The following CMIP variants were observed in gnomAD, a reference collection of about 807,000 sequenced individuals.
CMIP encodes the protein C-Maf-inducing protein.
A neutral mutation model predicts 97.3 loss-of-function variants in CMIP; 13 were observed. The observed-to-expected ratio is 0.13, with a 90% CI of 0.09 to 0.21. The LOEUF (loss-of-function observed/expected upper bound fraction) is 0.21, where lower values mean the gene tolerates loss of function less well. Among genes scored for constraint, CMIP ranks in the 10% least tolerant of loss-of-function variants. The pLI is 1.00. For synonymous variants in CMIP, 538 were observed against 436.3 expected, an observed-to-expected ratio of 1.23 and a Z score of -2.91; for missense variants, 847 against 1,024.9, an observed-to-expected ratio of 0.83 and a Z score of 2.37.
chr16:81,656,763 G>A (rs750408630), intron 4 of CMIP, among the ~76,000 whole-genome samples: 2 of 152,088 alleles, frequency 1.3e-5, no homozygotes, highest in African/African-American at 2.4e-5. Context: ...TCAGCCTCCC[G>A]AGTAGCGAGT....
At chr16:81,662,574 C>T (rs538035863) in intron 6 of CMIP, among the ~76,000 whole-genome samples, 7 of 152,246 alleles carry the variant, frequency 4.6e-5, no homozygotes, top group African/African-American at 1.7e-4. Flanking sequence ...CAAAGCCTCC[C>T]GCGCTGCGTC....
intron 1 of CMIP, among the ~76,000 whole-genome samples, chr16:81,473,026 C>T (rs1256757505): frequency 6.6e-6 from 1 of 152,188 alleles, no homozygotes; most frequent in South Asian, 2.1e-4. Context: ...TAGATCCCAT[C>T]TCCTCTGCAT....
chr16:81,645,011 G>A (rs1233624284), intron 3 of CMIP, among the ~76,000 whole-genome samples: 2 of 152,174 alleles, frequency 1.3e-5, no homozygotes, highest in South Asian at 2.1e-4. Context: ...ACTGCCCGAC[G>A]GAGCATTCTG....
chr16:81,578,929 G>A (rs908169211), intron 1 of CMIP, among the ~76,000 whole-genome samples: 2 of 152,242 alleles, frequency 1.3e-5, no homozygotes, highest in Non-Finnish European at 2.9e-5. Context: ...TCTCCTTTCT[G>A]TGCTGGCCAG....
At chr16:81,685,784 G>C (rs1045654349) in intron 10 of CMIP, among the ~76,000 whole-genome samples, 1 of 148,692 alleles carries the variant, frequency 6.7e-6, no homozygotes. Flanking sequence ...AGCCAGTCTC[G>C]AACTCCTGGC....
intron 1 of CMIP, among the ~76,000 whole-genome samples, chr16:81,529,740 C>G (rs746417282): frequency 6.6e-6 from 1 of 152,172 alleles, no homozygotes; most frequent in South Asian, 2.1e-4. Flanking sequence ...TTGCAATTCC[C>G]GGCTTTAAGA....
chr16:81,623,457 AT>A (rs1156452110), intron 3 of CMIP, among the ~76,000 whole-genome samples: 2 of 152,226 alleles, frequency 1.3e-5, no homozygotes, highest in African/African-American at 4.8e-5. Context: ...CAGGTGATCA[AT>A]GGTAGTCTTT....
intron 1 of CMIP, among the ~76,000 whole-genome samples, chr16:81,500,442 T>C (rs1330021233): frequency 1.8e-5 from 2 of 112,788 alleles, no homozygotes; most frequent in African/African-American, 3.4e-5. Flanking sequence ...TCTCTCTCTC[T>C]CCCTTCCTCC....
At chr16:81,525,533 T>A (rs921532547) in intron 1 of CMIP, among the ~76,000 whole-genome samples, 4 of 152,186 alleles carry the variant, frequency 2.6e-5, no homozygotes, top group African/African-American at 7.2e-5. Context: ...ACATTTTTTT[T>A]AAGAGACAGA....
chr16:81,550,260 C>G (rs748576970), intron 1 of CMIP, among the ~76,000 whole-genome samples: 1 of 152,216 alleles, frequency 6.6e-6, no homozygotes, highest in Non-Finnish European at 1.5e-5. Flanking sequence ...CTCTCTGAGC[C>G]TCAGTCTTCT....
At chr16:81,668,602 T>C (rs2092637158) in intron 7 of CMIP, among the ~76,000 whole-genome samples, 1 of 152,134 alleles carries the variant, frequency 6.6e-6, no homozygotes, top group South Asian at 2.1e-4. Context: ...AGCCCCGCAG[T>C]GGACACTTTA....
At chr16:81,486,051 G>T (rs1433046948) in intron 1 of CMIP, among the ~76,000 whole-genome samples, 1 of 152,268 alleles carries the variant, frequency 6.6e-6, no homozygotes, top group Non-Finnish European at 1.5e-5. Context: ...GGCCTGACAG[G>T]CAGAGAGGGG....
At chr16:81,633,383 T>C (rs1484105847) in intron 3 of CMIP, among the ~76,000 whole-genome samples, 1 of 152,220 alleles carries the variant, frequency 6.6e-6, no homozygotes, top group Non-Finnish European at 1.5e-5. Context: ...CCTGCTGGCC[T>C]GTTGGCTCGG....
At chr16:81,690,004 A>T (rs1905869614) in intron 10 of CMIP, among the ~76,000 whole-genome samples, 1 of 152,056 alleles carries the variant, frequency 6.6e-6, no homozygotes, top group African/African-American at 2.4e-5. Context: ...GTTCTGTTCC[A>T]TTGGTCTGTA....
intron 7 of CMIP, among the ~76,000 whole-genome samples, chr16:81,667,799 A>AGAGAGAGAGGGTGTGTGT: frequency 1.7e-5 from 1 of 58,096 alleles, no homozygotes; most frequent in Admixed American, 2.1e-4. Context: ...AGAGAGAGAG[A>AGAGAGAGAGGGTGTGTGT]GTGTGTGTGT....
intron 1 of CMIP, among the ~76,000 whole-genome samples, chr16:81,478,048 G>A (rs56155262): frequency 0.15 from 23,034 of 152,194 alleles, 1,862 homozygotes; most frequent in Non-Finnish European, 0.17. Context: ...TTATTATTGA[G>A]AAGGGAGAGG....
chr16:81,561,507 C>T (rs2090883120), intron 1 of CMIP, among the ~76,000 whole-genome samples: 1 of 152,056 alleles, frequency 6.6e-6, no homozygotes, highest in African/African-American at 2.4e-5. Flanking sequence ...GGTTTAAGAA[C>T]TACCAGGAAG....
intron 1 of CMIP, among the ~76,000 whole-genome samples, chr16:81,551,592 A>G (rs912944267): frequency 4.0e-4 from 61 of 152,350 alleles, no homozygotes; most frequent in African/African-American, 1.4e-3. Context: ...GGCCGTGTGC[A>G]GTATGTGGGA....
intron 1 of CMIP, among the ~76,000 whole-genome samples, chr16:81,466,278 C>T (rs907236679): frequency 6.6e-6 from 1 of 152,196 alleles, no homozygotes; most frequent in Non-Finnish European, 1.5e-5. Context: ...CCAGGCTGGT[C>T]TTGAACTCCT....
Sources: allele counts gnomAD v4.1 joint callset (sites outside exome capture counted in the v4.1 genomes callset), GRCh38; gene constraint gnomAD v4.1.1; transcripts MANE v1.5; gene names NCBI Gene and HGNC (gene_info 2026-07-23, HGNC 2026-07-21).